GRK5: variants seen among roughly 807,000 people sequenced by gnomAD.
GRK5 encodes the protein g protein-coupled receptor kinase GRK5.
Under a neutral mutation model 78.4 loss-of-function variants are expected in GRK5, and 40 were observed. The ratio of observed to expected loss-of-function variants is 0.51; its 90% CI spans 0.40 to 0.66. The LOEUF is 0.66. Among genes scored for constraint, GRK5 ranks in the 30% least tolerant of loss-of-function variants. GRK5 has a pLI of 0.00. For missense variants in GRK5, 598 were observed against 759.9 expected, an observed-to-expected ratio of 0.79 and a Z score of 2.50; for synonymous variants, 289 against 296.8, an observed-to-expected ratio of 0.97 and a Z score of 0.27.
chr10:119,260,100 T>C (rs1223801321), intron 1 of GRK5, among the ~76,000 whole-genome samples: 1 of 152,002 alleles, frequency 6.6e-6, no homozygotes, highest in Non-Finnish European at 1.5e-5. Flanking sequence ...CCTGGGTTCA[T>C]GCCATTCTCC....
chr10:119,313,481 T>G (rs1277825974), intron 1 of GRK5, among the ~76,000 whole-genome samples: 1 of 152,140 alleles, frequency 6.6e-6, no homozygotes, highest in Non-Finnish European at 1.5e-5. Flanking sequence ...TGTCTCAGTT[T>G]GCAGGAGAAA....
intron 1 of GRK5, among the ~76,000 whole-genome samples, chr10:119,261,351 A>C (rs1308069802): frequency 2.5e-4 from 34 of 133,872 alleles, no homozygotes; most frequent in African/African-American, 9.0e-4. Flanking sequence ...GGCGGCCGGG[A>C]AGAGGCGCTC....
At chr10:119,333,973 C>T (rs1168903974) in intron 2 of GRK5, 2 of 407,882 alleles carry the variant, frequency 4.9e-6, no homozygotes, top group Non-Finnish European at 9.8e-6. Context: ...CTGCGAGCTC[C>T]CTGAGGGCCT....
chr10:119,290,367 A>AAAAAAAAAAAAC (rs1554903196), intron 1 of GRK5, among the ~76,000 whole-genome samples: 3 of 137,598 alleles, frequency 2.2e-5, no homozygotes, highest in Non-Finnish European at 4.7e-5. Context: ...AAAAAAACAA[A>AAAAAAAAAAAAC]AAACAACTCT....
intron 2 of GRK5, among the ~76,000 whole-genome samples, chr10:119,335,607 C>T (rs540644862): frequency 2.0e-5 from 3 of 152,368 alleles, no homozygotes; most frequent in South Asian, 4.1e-4. Flanking sequence ...ATGTGATCCA[C>T]CTGCCTTGGC....
Position 119,267,673 on chromosome 10 carries a change from C to T in GRK5, c.53-58843C>T, listed in dbSNP as rs1486192378. Among the ~76,000 whole-genome samples the T allele has an allele frequency of 2.6e-5, 4 of 152,182 alleles. No individual in the cohort carries two copies. The highest frequency in any genetic ancestry group is 5.9e-5 in the Non-Finnish European group (4 of 68,040). On this transcript the variant is annotated intron_variant, in intron 1 of 15. Transcript: ENST00000392870. This position sits in a 1 kb window ranked among gnomAD's most constrained non-coding sequence, Gnocchi z 4.1. ...TATAGCAAGGAGGTCCAGCACCGCTCGTGGACCCAAACTGTCCTCCAGGAA... is the reference window on the plus strand; with the variant it reads ...TATAGCAAGGAGGTCCAGCACCGCTTGTGGACCCAAACTGTCCTCCAGGAA...
At chr10:119,317,152 G>C (rs1850500459) in intron 1 of GRK5, among the ~76,000 whole-genome samples, 2 of 152,196 alleles carry the variant, frequency 1.3e-5, no homozygotes. Context: ...CTGATCTGTG[G>C]AGATGCCAGG....
intron 2 of GRK5, among the ~76,000 whole-genome samples, chr10:119,332,372 G>T (rs1456987363): frequency 6.6e-6 from 1 of 152,158 alleles, no homozygotes; most frequent in African/African-American, 2.4e-5. Context: ...CTCCTGAAAT[G>T]CTGGGATTAC....
intron 2 of GRK5, among the ~76,000 whole-genome samples, chr10:119,368,090 G>A (rs1420473458): frequency 1.3e-5 from 2 of 152,350 alleles, no homozygotes; most frequent in Middle Eastern, 3.4e-3. Context: ...AGCTCCAGGG[G>A]AAGCCAGACC....
At chr10:119,443,522 C>T in intron 11 of GRK5, 22 bp from the exon 12 acceptor site, 1 of 1,585,238 alleles carries the variant, frequency 6.3e-7, no homozygotes, top group East Asian at 2.3e-5. Context: ...CCTCACTCCT[C>T]TCTCCTCTCC....
Position 119,439,854 on chromosome 10 carries a change from G to A in GRK5, c.967+86G>A, listed in dbSNP as rs1188755900. 1.4e-5 allele frequency: 19 copies of A among 1,317,546 alleles called. No individual in the cohort carries two copies. In the South Asian group the frequency reaches 1.5e-4, roughly 11 times the overall value. The allele number at this position is 1,317,546 out of a possible 1,614,324, so 81.6% of individuals were successfully genotyped here. ...CTCCCAGGGATTCTCAGAGAGGGCT[G>A]GGGAAGCTGACCACGGGCCCCACTC... On this transcript the variant is annotated intron_variant, in intron 10 of 15. Coordinates refer to ENST00000392870, the MANE Select transcript of GRK5 (RefSeq NM_005308.3).
chr10:119,423,370 C>A, intron 5 of GRK5, 104 bp downstream of exon 5: 1 of 747,642 alleles, frequency 1.3e-6, no homozygotes, highest in Non-Finnish European at 2.4e-6. Context: ...GTCTTCCATG[C>A]CTGACAGCTT....
At chr10:119,287,938 C>T (rs1156510549) in intron 1 of GRK5, among the ~76,000 whole-genome samples, 1 of 151,598 alleles carries the variant, frequency 6.6e-6, no homozygotes, top group Non-Finnish European at 1.5e-5. Flanking sequence ...AAGCCCTGCT[C>T]ATTCCCCGTC....
At chr10:119,419,219 G>T (rs1852522095) in intron 4 of GRK5, among the ~76,000 whole-genome samples, 1 of 152,216 alleles carries the variant, frequency 6.6e-6, no homozygotes, top group South Asian at 2.1e-4. Context: ...CTGAGCTGAG[G>T]TTACTCAGAA....
intron 4 of GRK5, among the ~76,000 whole-genome samples, chr10:119,398,151 A>T (rs1852088192): frequency 6.6e-6 from 1 of 152,150 alleles, no homozygotes; most frequent in Non-Finnish European, 1.5e-5. Flanking sequence ...TCTCAGGTGG[A>T]CACAGACGAG....
chr10:119,236,209 A>G (rs1848922670), intron 1 of GRK5, among the ~76,000 whole-genome samples: 1 of 151,306 alleles, frequency 6.6e-6, no homozygotes, highest in Admixed American at 6.6e-5. Flanking sequence ...ACTGACCTAC[A>G]CACTATTTTT....
At chr10:119,426,963 TAAACAG>T (rs1852693491) in intron 6 of GRK5, among the ~76,000 whole-genome samples, 1 of 137,304 alleles carries the variant, frequency 7.3e-6, no homozygotes, top group East Asian at 2.1e-4. Context: ...ATCACTGCCA[TAAACAG>T]CATCACCGCC....
At chr10:119,326,709 C>G in intron 2 of GRK5, 98 bp downstream of exon 2, 1 of 889,628 alleles carries the variant, frequency 1.1e-6, no homozygotes, top group East Asian at 2.5e-5. Flanking sequence ...GCCAAGCTGT[C>G]TGTGCAGTGA....
In GRK5 at chr10:119,207,747, A is replaced by T; in HGVS notation, c.-171A>T. 1.6e-6 allele frequency: 1 copy of T among 620,602 alleles called. No individual in the cohort carries two copies. Among genetic ancestry groups the T allele is most frequent in the Admixed American group, 3.7e-5 (1 of 27,106 alleles). 38.4% of individuals were successfully genotyped at this position (620,602 alleles called of 1,614,324 possible). A position where few individuals can be genotyped will look rare whatever the true frequency, so the allele number is the denominator to read the frequency against. On this transcript the variant is annotated 5_prime_UTR_variant, in exon 1 of 16. Coordinates refer to ENST00000392870, the MANE Select transcript of GRK5 (RefSeq NM_005308.3). ...CGGCGGCGGCGGCTCCTCTTTGCAG[A>T]GGGGGAAACTCTTGGGCTGAGAGCA...
Sources: gnomAD v4.1 joint callset for allele counts (sites outside exome capture counted in the v4.1 genomes callset) on GRCh38, gnomAD v4.1.1 for gene constraint, Gnocchi (gnomAD v3.1) non-coding constraint, MANE v1.5 for transcripts, NCBI Gene and HGNC (gene_info 2026-07-23, HGNC 2026-07-21) for gene names.